MPPED2: variants seen among roughly 807,000 people sequenced by gnomAD.
MPPED2 encodes the protein metallophosphoesterase domain containing 2, also known as metallophosphoesterase MPPED2.
MPPED2 carries 5 observed loss-of-function variants against 33.0 expected under a neutral mutation model. That is an observed-to-expected ratio of 0.15 (90% CI 0.08 to 0.32). The LOEUF is 0.32. MPPED2 is among the 10% of genes least tolerant of loss of function. MPPED2 has a pLI of 1.00. For missense variants in MPPED2, 275 were observed against 372.1 expected, an observed-to-expected ratio of 0.74 and a Z score of 2.15; for synonymous variants, 136 against 141.9, an observed-to-expected ratio of 0.96 and a Z score of 0.29.
Position 30,414,564 on chromosome 11 carries a change from T to G in MPPED2, c.653-223A>C, listed in dbSNP as rs527956688. 3.3e-5 allele frequency among the ~76,000 whole-genome samples: 5 copies of G among 152,298 alleles called. No individual in the cohort carries two copies. The South Asian group carries it at 1.0e-3, about 32-fold the overall frequency. On this transcript the variant is annotated intron_variant, in intron 5 of 6. Coordinates refer to ENST00000358117, the MANE Select transcript of MPPED2 (RefSeq NM_001584.3). ...GGTTTCCATTTTTTTTTCTTCCTGT[T>G]AATTAACATTTTTTTTTCTGTAGGA...
intron 2 of MPPED2, among the ~76,000 whole-genome samples, chr11:30,571,023 T>C (rs1590900946): frequency 6.6e-6 from 1 of 152,188 alleles, no homozygotes. Flanking sequence ...TGCAGTTTTT[T>C]AAGGAAGCCA....
chr11:30,527,363 G>A (rs184239134), intron 3 of MPPED2, among the ~76,000 whole-genome samples: 50 of 141,878 alleles, frequency 3.5e-4, no homozygotes, highest in African/African-American at 1.2e-3. Flanking sequence ...ATGTGAAAGA[G>A]TTGTTTTTTT....
chr11:30,432,611 G>GT (rs199899955), intron 4 of MPPED2, among the ~76,000 whole-genome samples: 2,070 of 151,828 alleles, frequency 0.014, 80 homozygotes, highest in Admixed American at 0.078. Context: ...AATGACACTA[G>GT]TTTTTTTTTA....
At chr11:30,494,885 A>G (rs962108961) in intron 4 of MPPED2, among the ~76,000 whole-genome samples, 4 of 152,164 alleles carry the variant, frequency 2.6e-5, no homozygotes, top group African/African-American at 9.7e-5. Flanking sequence ...TTTATATCAT[A>G]TTTACATTGT....
At chr11:30,451,786 AGGTG>A in intron 4 of MPPED2, 1 of 985,402 alleles carries the variant, frequency 1.0e-6, no homozygotes, top group Non-Finnish European at 1.2e-6. Context: ...GGACATTTTC[AGGTG>A]TCTGCGAATG....
At chr11:30,467,517 G>A (rs939418370) in intron 4 of MPPED2, among the ~76,000 whole-genome samples, 13 of 151,822 alleles carry the variant, frequency 8.6e-5, no homozygotes, top group African/African-American at 3.1e-4. Context: ...TACTAACAGA[G>A]GACCCATCAG....
At chr11:30,412,731 T>C (rs180863677) in intron 6 of MPPED2, among the ~76,000 whole-genome samples, 142 of 152,344 alleles carry the variant, frequency 9.3e-4, no homozygotes, top group Non-Finnish European at 1.5e-3. Flanking sequence ...CTTAAGTGAA[T>C]AAAAGTGAGA....
At chr11:30,486,812 T>C (rs6484486) in intron 4 of MPPED2, among the ~76,000 whole-genome samples, 1,791 of 152,340 alleles carry the variant, frequency 0.012, 26 homozygotes, top group African/African-American at 0.041. Context: ...TTAAAGCCCA[T>C]GGACATCATT....
exon 7 of MPPED2, chr11:30,386,210 A>C (rs1947700802): frequency 6.6e-6 from 1 of 152,352 alleles, no homozygotes; most frequent in Non-Finnish European, 1.5e-5. Context: ...CACTTGCTAG[A>C]CAGATTAGCA....
At chr11:30,573,985 CAA>C (rs918520305) in intron 2 of MPPED2, among the ~76,000 whole-genome samples, 4 of 152,090 alleles carry the variant, frequency 2.6e-5, no homozygotes, top group African/African-American at 9.7e-5. Flanking sequence ...AAAGAGTCAA[CAA>C]GTTTTAAAAA....
At chr11:30,475,808 T>C (rs1276585925) in intron 4 of MPPED2, among the ~76,000 whole-genome samples, 1 of 152,136 alleles carries the variant, frequency 6.6e-6, no homozygotes, top group African/African-American at 2.4e-5. Flanking sequence ...AGATGTGGGT[T>C]GACTTTTTAA....
intron 2 of MPPED2, among the ~76,000 whole-genome samples, chr11:30,569,905 C>G (rs1956617430): frequency 1.3e-5 from 2 of 152,092 alleles, no homozygotes; most frequent in South Asian, 4.2e-4. Flanking sequence ...GCTCCCGGTG[C>G]TAAAGTCAAG....
chr11:30,391,229 C>G (rs747224350), intron 6 of MPPED2, among the ~76,000 whole-genome samples: 1 of 152,148 alleles, frequency 6.6e-6, no homozygotes, highest in Non-Finnish European at 1.5e-5. Context: ...TGGCTTCCCT[C>G]TGGAGGGAAG....
At chr11:30,583,134 C>CTTTTTTTCTT (rs1554919022) in intron 1 of MPPED2, among the ~76,000 whole-genome samples, 15 of 96,712 alleles carry the variant, frequency 1.6e-4, no homozygotes, top group African/African-American at 4.8e-4. Flanking sequence ...AAGACTTTTT[C>CTTTTTTTCTT]TTTTTTTTTT....
chr11:30,556,390 TATAGAA>T (rs1955964175), intron 2 of MPPED2, among the ~76,000 whole-genome samples: 1 of 152,224 alleles, frequency 6.6e-6, no homozygotes, highest in Admixed American at 6.5e-5. Context: ...CATGCTTCTC[TATAGAA>T]TCTCAATCAG....
intron 3 of MPPED2, among the ~76,000 whole-genome samples, chr11:30,528,120 C>T (rs1231463697): frequency 1.4e-5 from 2 of 145,458 alleles, no homozygotes; most frequent in Non-Finnish European, 3.0e-5. Context: ...TAATACCACA[C>T]TGCCTTTTTA....
intron 2 of MPPED2, among the ~76,000 whole-genome samples, chr11:30,553,664 A>T (rs1955829087): frequency 6.6e-6 from 1 of 152,226 alleles, no homozygotes; most frequent in Admixed American, 6.5e-5. Flanking sequence ...GTTGAAAGTC[A>T]GGATGGCTTA....
chr11:30,528,300 G>T (rs541931342), intron 3 of MPPED2, among the ~76,000 whole-genome samples: 24 of 152,124 alleles, frequency 1.6e-4, no homozygotes, highest in Non-Finnish European at 2.5e-4. Flanking sequence ...CTGTTGCCCA[G>T]GCTAGAGTGC....
At chr11:30,513,658 G>C (rs1421965408) in intron 3 of MPPED2, among the ~76,000 whole-genome samples, 1 of 152,178 alleles carries the variant, frequency 6.6e-6, no homozygotes, top group Non-Finnish European at 1.5e-5. Context: ...CCACATAACA[G>C]GAACCTGTAA....
Sources: gnomAD v4.1 joint callset for allele counts (sites outside exome capture counted in the v4.1 genomes callset) on GRCh38, gnomAD v4.1.1 for gene constraint, MANE v1.5 for transcripts, NCBI Gene and HGNC (gene_info 2026-07-23, HGNC 2026-07-21) for gene names.